The following NRXN1 variants were observed in gnomAD, a reference collection of about 807,000 sequenced individuals.
NRXN1 encodes neurexin 1.
A neutral mutation model predicts 150.9 loss-of-function variants in NRXN1; 39 were observed. The observed-to-expected ratio is 0.26, with a 90% CI of 0.20 to 0.34. The LOEUF is 0.34. Among genes scored for constraint, NRXN1 ranks in the 10% least tolerant of loss-of-function variants. The pLI is 1.00. For synonymous variants in NRXN1, 924 were observed against 757.0 expected (o/e 1.22, Z -3.62); for missense variants, 1,815 against 1,949.9 (o/e 0.93, Z 1.30).
intron 15 of NRXN1, among the ~76,000 whole-genome samples, chr2:50,484,054 T>C (rs564287111): frequency 6.6e-6 from 1 of 152,294 alleles, no homozygotes; most frequent in African/African-American, 2.4e-5. Flanking sequence ...CTCTTTAATG[T>C]AGGTGAAAAA....
At chr2:50,815,290 T>A (rs1469881852) in intron 5 of NRXN1, among the ~76,000 whole-genome samples, 1 of 152,174 alleles carries the variant, frequency 6.6e-6, no homozygotes, top group Non-Finnish European at 1.5e-5. Context: ...AGGGACGCAG[T>A]GGTAATTATA....
At chr2:50,797,700 A>T (rs1307902995) in intron 5 of NRXN1, among the ~76,000 whole-genome samples, 1 of 152,164 alleles carries the variant, frequency 6.6e-6, no homozygotes, top group Non-Finnish European at 1.5e-5. Context: ...GGACCGAATG[A>T]TGTAATTTAT....
chr2:50,327,408 T>A (rs767992338), intron 17 of NRXN1, among the ~76,000 whole-genome samples: 15 of 152,072 alleles, frequency 9.9e-5, no homozygotes, highest in Non-Finnish European at 1.9e-4. Context: ...AGCTTGAGAG[T>A]CACTTCCTAG....
At chr2:50,054,286 G>A (rs1693260695) in intron 20 of NRXN1, among the ~76,000 whole-genome samples, 1 of 151,894 alleles carries the variant, frequency 6.6e-6, no homozygotes, top group African/African-American at 2.4e-5. Context: ...GCGGCTTCAG[G>A]AATGATACAC....
At chr2:50,825,116 A>G (rs1295329786) in intron 5 of NRXN1, among the ~76,000 whole-genome samples, 1 of 152,198 alleles carries the variant, frequency 6.6e-6, no homozygotes, top group African/African-American at 2.4e-5. Context: ...TTCATTTGGC[A>G]AAATAGGGCA....
rs141216037 is a variant in NRXN1, at chr2:50,037,043, T to A, written c.4128+16228A>T. On this transcript the variant is annotated intron_variant, in intron 21 of 22. Transcript: ENST00000401669. ...AAGTTTTAGAGGAGCTTGGAACACATCAAAAACTAAATGACACAAAAGGTT... is the reference window on the plus strand; with the variant it reads ...AAGTTTTAGAGGAGCTTGGAACACAACAAAAACTAAATGACACAAAAGGTT... Among the ~76,000 whole-genome samples the A allele has an allele frequency of 3.7e-3, 561 of 152,258 alleles. 4 individuals are homozygous for A. Among genetic ancestry groups the A allele is most frequent in the Non-Finnish European group, 5.5e-3 (372 of 68,006 alleles).
intron 2 of NRXN1, among the ~76,000 whole-genome samples, chr2:50,973,021 A>G (rs1317680253): frequency 2.6e-5 from 4 of 152,192 alleles, no homozygotes; most frequent in African/African-American, 9.7e-5. Context: ...CCACATGGCA[A>G]TCTGTACTGG....
chr2:50,648,659 T>G lies in NRXN1; in HGVS notation c.833-25044A>C, dbSNP rs550021697. ...TGATAGGCATCTCTGTGATCTGTAATTTATGTATCCTATCTCTGTGCAACC... is the reference window on the plus strand; with the variant it reads ...TGATAGGCATCTCTGTGATCTGTAAGTTATGTATCCTATCTCTGTGCAACC... On this transcript the variant is annotated intron_variant, in intron 5 of 22. Transcript: ENST00000401669. 2.0e-5 allele frequency among the ~76,000 whole-genome samples: 3 copies of G among 152,084 alleles called. No individual in the cohort carries two copies. The South Asian group carries it at 6.2e-4, about 32-fold the overall frequency.
At chr2:50,530,897 T>A (rs2093083456) in intron 11 of NRXN1, among the ~76,000 whole-genome samples, 1 of 152,210 alleles carries the variant, frequency 6.6e-6, no homozygotes, top group African/African-American at 2.4e-5. Flanking sequence ...CCGATCCAAA[T>A]GTCAGTGAAT....
At chr2:50,812,956 A>G (rs1668433710) in intron 5 of NRXN1, among the ~76,000 whole-genome samples, 1 of 152,130 alleles carries the variant, frequency 6.6e-6, no homozygotes, top group African/African-American at 2.4e-5. Context: ...GAATTGAAAA[A>G]TAAAAAGATA....
At chr2:50,369,251 C>T (rs1388078647) in intron 17 of NRXN1, among the ~76,000 whole-genome samples, 2 of 151,784 alleles carry the variant, frequency 1.3e-5, no homozygotes, top group Non-Finnish European at 2.9e-5. Flanking sequence ...TTAAAATAAA[C>T]CAAAAAACCC....
At chr2:50,486,348 T>A (rs1193137917) in intron 15 of NRXN1, among the ~76,000 whole-genome samples, 1 of 152,202 alleles carries the variant, frequency 6.6e-6, no homozygotes, top group African/African-American at 2.4e-5. Context: ...AGATAGTTTT[T>A]CTCACGAAAA....
intron 22 of NRXN1, among the ~76,000 whole-genome samples, chr2:49,926,682 G>A (rs550816093): frequency 6.6e-6 from 1 of 152,066 alleles, no homozygotes; most frequent in East Asian, 1.9e-4. Flanking sequence ...ATTTTAATTT[G>A]TCTTTTGCTG....
intron 2 of NRXN1, among the ~76,000 whole-genome samples, chr2:50,941,050 A>G (rs568644493): frequency 2.6e-5 from 4 of 152,206 alleles, no homozygotes; most frequent in South Asian, 2.1e-4. Context: ...TGCTGTTCTC[A>G]TGATAGAATT....
intron 5 of NRXN1, among the ~76,000 whole-genome samples, chr2:50,828,895 T>C (rs1670950000): frequency 6.6e-6 from 1 of 152,118 alleles, no homozygotes; most frequent in Admixed American, 6.5e-5. Context: ...AGGTGGAGGT[T>C]GTAGCGAGCC....
intron 12 of NRXN1, among the ~76,000 whole-genome samples, chr2:50,509,488 A>C (rs1040880263): frequency 5.9e-5 from 9 of 152,192 alleles, no homozygotes; most frequent in Non-Finnish European, 1.0e-4. Flanking sequence ...ACCCACAATC[A>C]GCAATTTGCT....
At chr2:50,450,669 G>A (rs1053919538) in intron 17 of NRXN1, among the ~76,000 whole-genome samples, 2 of 152,082 alleles carry the variant, frequency 1.3e-5, no homozygotes, top group Non-Finnish European at 2.9e-5. Flanking sequence ...TTTCTCATAA[G>A]TTATCCTTGG....
At chr2:50,907,468 A>C (rs1317951646) in intron 5 of NRXN1, among the ~76,000 whole-genome samples, 1 of 152,072 alleles carries the variant, frequency 6.6e-6, no homozygotes, top group Non-Finnish European at 1.5e-5. Flanking sequence ...GAAGGGTGAG[A>C]AAAAGATGCC....
At chr2:50,869,394 A>T (rs573284339) in intron 5 of NRXN1, among the ~76,000 whole-genome samples, 1 of 151,864 alleles carries the variant, frequency 6.6e-6, no homozygotes, top group East Asian at 2.0e-4. Context: ...ATTTTTCCTT[A>T]GAAACAATTT....
Sources: allele counts gnomAD v4.1 joint callset (sites outside exome capture counted in the v4.1 genomes callset), GRCh38; gene constraint gnomAD v4.1.1; transcripts MANE v1.5; gene names NCBI Gene and HGNC (gene_info 2026-07-23, HGNC 2026-07-21).